DSCAM: variants seen among roughly 807,000 people sequenced by gnomAD.
DSCAM encodes DS cell adhesion molecule, also known as cell adhesion molecule DSCAM.
A neutral mutation model predicts 217.7 loss-of-function variants in DSCAM; 47 were observed. The observed-to-expected ratio is 0.22, with a 90% CI of 0.17 to 0.28. DSCAM has a LOEUF of 0.28. DSCAM is among the 10% of genes least tolerant of loss of function. DSCAM has a pLI of 1.00. For synonymous variants in DSCAM, 1,056 were observed against 1,015.3 expected (o/e 1.04, Z -0.76); for missense variants, 2,080 against 2,618.3 (o/e 0.79, Z 4.49).
intron 32 of DSCAM, among the ~76,000 whole-genome samples, chr21:40,031,719 G>A (rs1222169514): frequency 6.6e-6 from 1 of 152,168 alleles, no homozygotes; most frequent in Non-Finnish European, 1.5e-5. Flanking sequence ...ATACAGAAAG[G>A]TAAGAAGACA....
At chr21:40,064,390 C>T (rs2089175474) in intron 27 of DSCAM, among the ~76,000 whole-genome samples, 1 of 152,148 alleles carries the variant, frequency 6.6e-6, no homozygotes, top group African/African-American at 2.4e-5. Context: ...ACAATAATCT[C>T]TCCTTTTCCT....
chr21:40,205,740 T>C (rs2091117522), intron 11 of DSCAM, among the ~76,000 whole-genome samples: 1 of 152,098 alleles, frequency 6.6e-6, no homozygotes, highest in Non-Finnish European at 1.5e-5. Context: ...TCCCCAATTC[T>C]TTGCCTCGGT....
intron 3 of DSCAM, among the ~76,000 whole-genome samples, chr21:40,581,808 A>G (rs1320354921): frequency 6.6e-6 from 1 of 152,228 alleles, no homozygotes; most frequent in African/African-American, 2.4e-5. Context: ...TACTGCCTTT[A>G]AAGCTATACA....
At chr21:40,320,119 G>A (rs971047282) in intron 8 of DSCAM, among the ~76,000 whole-genome samples, 66 of 152,182 alleles carry the variant, frequency 4.3e-4, no homozygotes, top group African/African-American at 1.6e-3. Flanking sequence ...TGGGTTGAGA[G>A]GTGCAGCATA....
intron 10 of DSCAM, among the ~76,000 whole-genome samples, chr21:40,293,665 C>CA (rs1330927477): frequency 6.6e-6 from 1 of 152,020 alleles, no homozygotes; most frequent in Non-Finnish European, 1.5e-5. Flanking sequence ...ACTAAAAATA[C>CA]AAAAAAATTA....
At position 40,298,238 on chromosome 21, in the gene DSCAM, G is replaced by A. The variant is rs563829060; in HGVS notation, c.2063-2064C>T. Reference sequence around the variant, plus strand: ...TGGGATTACAGGTGCCTGCCATCACGCCCAGGTAATTTTTTTGTATTTTTA... The same window carrying A: ...TGGGATTACAGGTGCCTGCCATCACACCCAGGTAATTTTTTTGTATTTTTA... On this transcript the variant is annotated intron_variant, in intron 9 of 32. Transcript: ENST00000400454. Among the ~76,000 whole-genome samples the A allele has an allele frequency of 1.6e-4, 24 of 151,828 alleles. No homozygotes were observed. In the East Asian group the frequency reaches 3.1e-3, roughly 20 times the overall value.
chr21:40,815,851 G>C (rs11702253), intron 1 of DSCAM, among the ~76,000 whole-genome samples: 18,096 of 152,218 alleles, frequency 0.12, 1,347 homozygotes, highest in South Asian at 0.23. Context: ...GTAAAGGGGA[G>C]AGAGGACTAC....
chr21:40,301,173 A>G (rs773342504), intron 9 of DSCAM, among the ~76,000 whole-genome samples: 5 of 152,198 alleles, frequency 3.3e-5, no homozygotes, highest in African/African-American at 4.8e-5. Flanking sequence ...TAACTGGTCT[A>G]CCTGCCACGA....
chr21:40,666,302 T>C (rs1251760696), intron 3 of DSCAM, among the ~76,000 whole-genome samples: 1 of 152,152 alleles, frequency 6.6e-6, no homozygotes, highest in Non-Finnish European at 1.5e-5. Context: ...ATGCAGTACC[T>C]CATTTAACCC....
At chr21:40,387,551 G>A (rs2075098005) in intron 3 of DSCAM, among the ~76,000 whole-genome samples, 1 of 152,136 alleles carries the variant, frequency 6.6e-6, no homozygotes, top group South Asian at 2.1e-4. Context: ...AGGACATCTG[G>A]CAGAAGCAAA....
intron 14 of DSCAM, among the ~76,000 whole-genome samples, chr21:40,183,638 G>C (rs972660961): frequency 6.6e-6 from 1 of 152,186 alleles, no homozygotes; most frequent in Non-Finnish European, 1.5e-5. Context: ...GATCCAGGAA[G>C]GTCTATTTTG....
intron 10 of DSCAM, among the ~76,000 whole-genome samples, chr21:40,279,112 A>G (rs1422397498): frequency 6.6e-6 from 1 of 152,224 alleles, no homozygotes; most frequent in Non-Finnish European, 1.5e-5. Context: ...TTCATAAGGA[A>G]TTCAAAGTCA....
chr21:40,394,028 A>G (rs1343160061), intron 3 of DSCAM, among the ~76,000 whole-genome samples: 2 of 152,180 alleles, frequency 1.3e-5, no homozygotes, highest in African/African-American at 4.8e-5. Flanking sequence ...TCTCTCAAGG[A>G]AAGTTTCTGT....
chr21:40,784,206 G>A (rs1374924346), intron 1 of DSCAM, among the ~76,000 whole-genome samples: 2 of 152,086 alleles, frequency 1.3e-5, no homozygotes, highest in Admixed American at 6.6e-5. Context: ...TGTGTTATGG[G>A]AGAAACCCAG....
rs969465789 is a variant in DSCAM at position 40,333,881 on chromosome 21, T to C, written c.1783+4220A>G. ...TCCCAAGTAGCTGGGATTACAGCAG[T>C]GAGCCTCTGCACCTGGCTGCTTAAG... On this transcript the variant is annotated intron_variant, in intron 8 of 32. Transcript: ENST00000400454. Among the ~76,000 whole-genome samples, 9 of 152,286 alleles carry C rather than the reference T, an allele frequency of 5.9e-5. No homozygotes were observed. The East Asian group carries it at 1.7e-3, about 29-fold the overall frequency.
intron 3 of DSCAM, among the ~76,000 whole-genome samples, chr21:40,485,859 A>T (rs1177010674): frequency 2.6e-5 from 4 of 152,084 alleles, no homozygotes; most frequent in Admixed American, 2.6e-4. Context: ...GACTTTTCAC[A>T]CATATACACA....
intron 3 of DSCAM, among the ~76,000 whole-genome samples, chr21:40,525,293 A>G (rs905512047): frequency 6.6e-6 from 1 of 152,210 alleles, no homozygotes; most frequent in Non-Finnish European, 1.5e-5. Flanking sequence ...CTTGAAAATG[A>G]TGCCATTCCT....
chr21:40,625,883 T>C (rs2146308389), intron 3 of DSCAM, among the ~76,000 whole-genome samples: 1 of 152,274 alleles, frequency 6.6e-6, no homozygotes, highest in Middle Eastern at 3.4e-3. Context: ...CACCTCTTCC[T>C]CCTCTCGGGA....
intron 16 of DSCAM, among the ~76,000 whole-genome samples, chr21:40,145,279 C>T (rs753989991): frequency 3.3e-5 from 5 of 152,130 alleles, no homozygotes; most frequent in African/African-American, 1.2e-4. Context: ...AAAAGACCCC[C>T]GTCCTCATGG....
Sources: allele counts gnomAD v4.1 joint callset (sites outside exome capture counted in the v4.1 genomes callset), GRCh38; gene constraint gnomAD v4.1.1; transcripts MANE v1.5; gene names NCBI Gene and HGNC (gene_info 2026-07-23, HGNC 2026-07-21).